QTMAN: variants seen among roughly 807,000 people sequenced by gnomAD.
The protein encoded by QTMAN is queuosine-tRNA mannosyltransferase.
At chr2:143,961,494 G>T in the QTMAN span, among the ~76,000 whole-genome samples, 1 of 151,972 alleles carries the variant, frequency 6.6e-6, no homozygotes, top group Non-Finnish European at 1.5e-5. Context: ...TAGTAATGTC[G>T]ATCTTTTCCA....
At chr2:144,206,806 G>C in the QTMAN span, among the ~76,000 whole-genome samples, 1 of 152,214 alleles carries the variant, frequency 6.6e-6, no homozygotes, top group Middle Eastern at 3.4e-3. Flanking sequence ...ATATATTTGT[G>C]ATACAATAAT....
At chr2:144,098,545 T>A in the QTMAN span, among the ~76,000 whole-genome samples, 2 of 151,976 alleles carry the variant, frequency 1.3e-5, no homozygotes, top group Non-Finnish European at 2.9e-5. Flanking sequence ...TGAAACCCCA[T>A]CTCTACTAAA....
chr2:143,947,774 A>C, the QTMAN span, among the ~76,000 whole-genome samples: 7 of 152,232 alleles, frequency 4.6e-5, no homozygotes, highest in Admixed American at 6.6e-5. Flanking sequence ...CAGCCAAAGC[A>C]TATCTGTGAT....
At chr2:144,172,087 C>T in the QTMAN span, among the ~76,000 whole-genome samples, 40 of 151,746 alleles carry the variant, frequency 2.6e-4, no homozygotes, top group African/African-American at 8.9e-4. Flanking sequence ...ATTTTTTGTT[C>T]CACTTACAGA....
chr2:144,001,540 T>C, the QTMAN span, among the ~76,000 whole-genome samples: 1 of 152,066 alleles, frequency 6.6e-6, no homozygotes, highest in South Asian at 2.1e-4. Context: ...TTTCCCTATA[T>C]CCCAAATGAT....
the QTMAN span, among the ~76,000 whole-genome samples, chr2:144,169,088 ATACC>A: frequency 6.6e-6 from 1 of 152,160 alleles, no homozygotes; most frequent in East Asian, 1.9e-4. Context: ...TAATAAAGAT[ATACC>A]TAGCAGTTTC....
chr2:144,305,539 C>CT, the QTMAN span, among the ~76,000 whole-genome samples: 1 of 152,100 alleles, frequency 6.6e-6, no homozygotes, highest in African/African-American at 2.4e-5. Context: ...ACTGTGACTC[C>CT]TTCACTTTTG....
chr2:144,133,174 A>T, the QTMAN span, among the ~76,000 whole-genome samples: 2,809 of 49,390 alleles, frequency 0.057, 290 homozygotes, highest in African/African-American at 0.21. Context: ...ATATATATAA[A>T]TATATATAAT....
chr2:144,063,067 T>A, the QTMAN span, among the ~76,000 whole-genome samples: 5 of 152,156 alleles, frequency 3.3e-5, no homozygotes, highest in South Asian at 8.3e-4. Context: ...CAGGCAGGTC[T>A]ATGGGAAAAA....
At chr2:144,267,715 A>T in the QTMAN span, among the ~76,000 whole-genome samples, 3 of 152,290 alleles carry the variant, frequency 2.0e-5, no homozygotes, top group South Asian at 4.1e-4. Context: ...AAATCTCCTG[A>T]AAGTTATATT....
chr2:143,986,049 C>T, the QTMAN span, among the ~76,000 whole-genome samples: 1 of 152,122 alleles, frequency 6.6e-6, no homozygotes, highest in Admixed American at 6.5e-5. Flanking sequence ...ATTGGGTTCT[C>T]AGTAATAAAT....
At chr2:144,077,050 CAAAA>C in the QTMAN span, among the ~76,000 whole-genome samples, 1 of 134,078 alleles carries the variant, frequency 7.5e-6, no homozygotes, top group African/African-American at 2.6e-5. Context: ...TTCAAAAAGC[CAAAA>C]AAAAAAAAAA....
chr2:144,332,893 G>A, the QTMAN span, among the ~76,000 whole-genome samples: 1 of 152,110 alleles, frequency 6.6e-6, no homozygotes, highest in African/African-American at 2.4e-5. Context: ...CTTTCCTTCT[G>A]GAAGGTCTGT....
chr2:144,006,909 A>G, the QTMAN span: 3 of 295,266 alleles, frequency 1.0e-5, no homozygotes, highest in Admixed American at 4.9e-5. Flanking sequence ...AACTTTCTGA[A>G]CAAGACTTGA....
the QTMAN span, among the ~76,000 whole-genome samples, chr2:144,087,790 G>A: frequency 6.6e-4 from 101 of 152,012 alleles, no homozygotes; most frequent in African/African-American, 2.4e-3. Context: ...GCATAGAAGG[G>A]ACATACCCCC....
chr2:144,013,366 C>T, the QTMAN span, among the ~76,000 whole-genome samples: 1 of 152,124 alleles, frequency 6.6e-6, no homozygotes, highest in African/African-American at 2.4e-5. Context: ...CTGGGAAATA[C>T]TACTTGAGGC....
the QTMAN span, among the ~76,000 whole-genome samples, chr2:144,304,041 C>G: frequency 6.6e-6 from 1 of 152,182 alleles, no homozygotes; most frequent in East Asian, 1.9e-4. Context: ...TCCATGTGTA[C>G]TCTTCTGAGG....
chr2:144,247,000 G>A, the QTMAN span, among the ~76,000 whole-genome samples: 1 of 152,132 alleles, frequency 6.6e-6, no homozygotes, highest in East Asian at 1.9e-4. Flanking sequence ...TATCAATCAA[G>A]TGAGAAAACT....
the QTMAN span, among the ~76,000 whole-genome samples, chr2:144,158,303 T>C: frequency 1.3e-5 from 2 of 152,016 alleles, no homozygotes; most frequent in East Asian, 3.8e-4. Context: ...CACCATGAAG[T>C]ATCCATATGG....
Sources: gnomAD v4.1 joint callset for allele counts (sites outside exome capture counted in the v4.1 genomes callset) on GRCh38, gnomAD v4.1.1 for gene constraint, MANE v1.5 for transcripts, NCBI Gene and HGNC (gene_info 2026-07-23, HGNC 2026-07-21) for gene names.